Variants in SEC31A observed in about 807,000 individuals in gnomAD.
SEC31A encodes SEC31 homolog A, COPII component, also known as protein transport protein Sec31A.
In SEC31A, 70 loss-of-function variants were observed where a neutral mutation model predicts 151.0. That is an observed-to-expected ratio of 0.46 (90% confidence interval 0.38 to 0.57). The LOEUF (loss-of-function observed/expected upper bound fraction) is 0.57. Among genes scored for constraint, SEC31A ranks in the 20% least tolerant of loss-of-function variants. The pLI, the probability that SEC31A is intolerant of heterozygous loss-of-function variation, is 0.00. For missense variants in SEC31A, 1,330 were observed against 1,471.2 expected (o/e 0.90, Z 1.57); for synonymous variants, 475 against 505.9 (o/e 0.94, Z 0.82).
intron 1 of SEC31A, among the ~76,000 whole-genome samples, chr4:82,890,374 G>A (rs1742059716): frequency 6.6e-6 from 1 of 152,088 alleles, no homozygotes. Flanking sequence ...GAAAAAATAA[G>A]TTAGGAGAAA....
chr4:82,871,874 G>C, intron 7 of SEC31A, 70 bp downstream of exon 7: 1 of 1,602,030 alleles, frequency 6.2e-7, no homozygotes, highest in Non-Finnish European at 8.5e-7. Flanking sequence ...GTGTATTTCT[G>C]GTCACGAAAA....
chr4:82,871,637 G>C, intron 7 of SEC31A: 1 of 540,122 alleles, frequency 1.9e-6, no homozygotes, highest in Non-Finnish European at 3.3e-6. Context: ...TTAGCTGGGC[G>C]TGGTGGCGCA....
At position 82,880,845 on chromosome 4, in the gene SEC31A, G is replaced by T. The variant is rs980863062; in HGVS notation, c.157C>A (p.Pro53Thr). 1 of 1,612,726 alleles carries T rather than the reference G, an allele frequency of 6.2e-7. No homozygotes were observed. Among genetic ancestry groups the T allele is most frequent in the South Asian group, 1.1e-5 (1 of 91,020 alleles). The change falls in exon 3 of 27, where the codon CCA becomes ACA. Residue 53 changes from proline to threonine, a missense_variant. Coordinates refer to ENST00000395310, the MANE Select transcript of SEC31A (RefSeq NM_001077207.4). ...GCACAAGATTTCATATCCAAGGATG[G>T]ATCAGAGAGGTCTAATTCAAATATC... ...LEIFELDLSDPSLDMKSCATF... is the reference protein window; with the variant it reads ...LEIFELDLSDTSLDMKSCATF...
At chr4:82,891,627 T>G (rs886923838), upstream of SEC31A, among the ~76,000 whole-genome samples, 2 of 152,232 alleles carry the variant, frequency 1.3e-5, no homozygotes, top group African/African-American at 4.8e-5. Flanking sequence ...AATTACCCAC[T>G]TGATTGCACA....
intron 13 of SEC31A, 41 bp from the exon 14 acceptor site, chr4:82,861,749 T>C (rs1190542962): frequency 1.1e-5 from 15 of 1,420,794 alleles, no homozygotes; most frequent in African/African-American, 1.4e-5. Context: ...GTGAAGAATG[T>C]AGTATTAAAA....
chr4:82,863,291 T>A (rs367835863), intron 12 of SEC31A, 27 bp downstream of exon 12: 4 of 1,246,794 alleles, frequency 3.2e-6, no homozygotes, highest in Non-Finnish European at 4.6e-6. Context: ...ATAAAGAGCA[T>A]GCCATCTAAC....
intron 4 of SEC31A, chr4:82,878,019 G>C (rs991743654): frequency 4.6e-5 from 7 of 152,104 alleles, no homozygotes; most frequent in African/African-American, 1.7e-4. Context: ...TTATTTCATA[G>C]AGTATTAATC....
intron 25 of SEC31A, among the ~76,000 whole-genome samples, chr4:82,822,644 G>T (rs1344573491): frequency 3.3e-5 from 5 of 152,126 alleles, no homozygotes; most frequent in Non-Finnish European, 7.4e-5. Flanking sequence ...TGATTAAAAT[G>T]AACTTTTGCG....
chr4:82,866,217 T>A (rs960323727), intron 10 of SEC31A, among the ~76,000 whole-genome samples: 1 of 151,942 alleles, frequency 6.6e-6, no homozygotes, highest in Non-Finnish European at 1.5e-5. Flanking sequence ...ATGCCTGTAA[T>A]CCCAGCACTT....
Position 82,878,855 on chromosome 4 carries a change from C to T in SEC31A, c.277G>A (p.Gly93Ser). The change falls in exon 4 of 27, where the codon GGT becomes AGT. Residue 93 changes from glycine to serine, a missense_variant. Gly to Ser is a moderately conservative substitution (Grantham distance 56). Transcript: ENST00000395310. Reference sequence around the variant, plus strand: ...TAGAGAATAATATTTCCATTTTCACCACCTGCAATCAGAACTCCAGAGACA... The same window carrying T: ...TAGAGAATAATATTTCCATTTTCACTACCTGCAATCAGAACTCCAGAGACA... ...GDVSGVLIAG[G>S]ENGNIILYDP... 1 of 1,613,890 alleles carries T rather than the reference C, an allele frequency of 6.2e-7. No individual in the cohort carries two copies. The highest frequency in any genetic ancestry group is 8.5e-7 in the Non-Finnish European group (1 of 1,179,854).
chr4:82,870,762 T>G (rs1280324210), intron 7 of SEC31A, among the ~76,000 whole-genome samples: 2 of 152,146 alleles, frequency 1.3e-5, no homozygotes, highest in Non-Finnish European at 2.9e-5. Context: ...TGCAATATTT[T>G]CAGAAGCAAC....
chr4:82,875,213 A>G (rs1423063802), intron 5 of SEC31A, among the ~76,000 whole-genome samples: 1 of 152,224 alleles, frequency 6.6e-6, no homozygotes, highest in Non-Finnish European at 1.5e-5. Flanking sequence ...AGCCAGTTAC[A>G]ATGGCTACTC....
intron 16 of SEC31A, 109 bp downstream of exon 16, chr4:82,856,842 CT>C: frequency 1.1e-6 from 1 of 902,462 alleles, no homozygotes; most frequent in Non-Finnish European, 1.6e-6. Context: ...TATGAATGAG[CT>C]TTTAAAATTC....
intron 26 of SEC31A, 111 bp from the exon 27 acceptor site, chr4:82,819,364 T>C (rs1247969472): frequency 1.3e-6 from 1 of 752,412 alleles, no homozygotes; most frequent in East Asian, 3.1e-5. Context: ...ACAAACATTA[T>C]AAAAATATAT....
In SEC31A at chr4:82,866,496, T is replaced by C. The variant is rs146245182; in HGVS notation, c.1197+312A>G. ...AAAAACAAACAAACAAACAAAAAAA[T>C]GGAGGAGGGGAGGAATATAAAGTGT... On this transcript the variant is annotated intron_variant, in intron 10 of 26. Transcript: ENST00000395310. Among the ~76,000 whole-genome samples the C allele has an allele frequency of 8.6e-5, 13 of 150,548 alleles. No individual in the cohort carries two copies. In the East Asian group the frequency reaches 2.6e-3, roughly 30 times the overall value.
chr4:82,871,297 G>C (rs1466610118), intron 7 of SEC31A: 1 of 1,376,878 alleles, frequency 7.3e-7, no homozygotes, highest in African/African-American at 1.6e-5. Context: ...AATTATATTG[G>C]GATTATACAT....
At chr4:82,826,907 C>T (rs1724732164) in intron 24 of SEC31A, among the ~76,000 whole-genome samples, 1 of 152,196 alleles carries the variant, frequency 6.6e-6, no homozygotes, top group South Asian at 2.1e-4. Context: ...ATATGCAGGA[C>T]TTTGCCAACT....
intron 17 of SEC31A, among the ~76,000 whole-genome samples, chr4:82,854,133 A>G (rs1732053981): frequency 6.6e-6 from 1 of 152,070 alleles, no homozygotes; most frequent in Admixed American, 6.6e-5. Context: ...GGAGGCTGAG[A>G]CGGGCAGATC....
In SEC31A at chr4:82,837,878, T is replaced by C. The variant is rs1319169993; in HGVS notation, c.2968+4262A>G. Reference sequence around the variant, plus strand: ...GGTAGAATCTATGCACTGGCTAAGATACTTTTCAGTGGACTCAGGGAAAAT... The same window carrying C: ...GGTAGAATCTATGCACTGGCTAAGACACTTTTCAGTGGACTCAGGGAAAAT... On this transcript the variant is annotated intron_variant, in intron 22 of 26. Transcript: ENST00000395310. Among the ~76,000 whole-genome samples the C allele has an allele frequency of 3.3e-5, 5 of 152,196 alleles. No homozygotes were observed. The East Asian group carries it at 9.6e-4, about 29-fold the overall frequency.
Sources: allele counts gnomAD v4.1 joint callset (sites outside exome capture counted in the v4.1 genomes callset), GRCh38; gene constraint gnomAD v4.1.1; transcripts MANE v1.5; gene names NCBI Gene and HGNC (gene_info 2026-07-23, HGNC 2026-07-21).